Variants in OCLN observed in about 807,000 individuals in gnomAD.
OCLN encodes phosphatase 1, regulatory subunit 115.
In OCLN, 21 loss-of-function variants were observed where a neutral mutation model predicts 47.9. That is an observed-to-expected ratio of 0.44 (90% CI 0.31 to 0.63). The LOEUF is 0.63. Among genes scored for constraint, OCLN ranks in the 30% least tolerant of loss-of-function variants. OCLN has a pLI of 0.08. For synonymous variants in OCLN, 117 were observed against 198.4 expected (o/e 0.59, Z 3.45); for missense variants, 360 against 571.0 (o/e 0.63, Z 3.77).
chr5:69,513,596 C>T (rs1297214970), intron 3 of OCLN, among the ~76,000 whole-genome samples: 1 of 152,104 alleles, frequency 6.6e-6, no homozygotes, highest in Non-Finnish European at 1.5e-5. Flanking sequence ...ACTTTACTGG[C>T]CATTCTCGTA....
At chr5:69,495,200 C>T (rs1447853410) in intron 1 of OCLN, among the ~76,000 whole-genome samples, 1 of 152,176 alleles carries the variant, frequency 6.6e-6, no homozygotes, top group Non-Finnish European at 1.5e-5. Flanking sequence ...GGATCTTTTT[C>T]ATCAAATTAC....
chr5:69,508,223 A>G (rs1768661580), intron 2 of OCLN, among the ~76,000 whole-genome samples: 1 of 152,020 alleles, frequency 6.6e-6, no homozygotes. Flanking sequence ...TTGTATTTTT[A>G]GTAGAGATAG....
chr5:69,532,421 G>A (rs1488674110), intron 4 of OCLN, among the ~76,000 whole-genome samples: 1 of 152,156 alleles, frequency 6.6e-6, no homozygotes, highest in East Asian at 1.9e-4. Context: ...CTATCACAAA[G>A]CTAGAGCGGT....
chr5:69,506,215 C>A (rs1768596103), intron 2 of OCLN, among the ~76,000 whole-genome samples: 1 of 152,176 alleles, frequency 6.6e-6, no homozygotes, highest in African/African-American at 2.4e-5. Flanking sequence ...AAGGCTGAGG[C>A]AGGAGGATTG....
intron 6 of OCLN, among the ~76,000 whole-genome samples, chr5:69,547,036 CT>C (rs1184626855): frequency 6.7e-6 from 1 of 148,326 alleles, no homozygotes; most frequent in Admixed American, 6.7e-5. Context: ...CTTCTTTATA[CT>C]TTAATGAATT....
rs577673471 is a variant in OCLN at position 69,505,165 on chromosome 5, G to A, written c.50+871G>A. Among the ~76,000 whole-genome samples the A allele has an allele frequency of 2.3e-4, 35 of 151,142 alleles. No individual in the cohort carries two copies. The East Asian group carries it at 6.4e-3, about 28-fold the overall frequency. On this transcript the variant is annotated intron_variant, in intron 2 of 8. Transcript: ENST00000396442. ...TTTGGGAGGCTGAGACAGGAGAATCGCTTGAACCCAGGAGGCGGAGGTTGA... is the reference window on the plus strand; with the variant it reads ...TTTGGGAGGCTGAGACAGGAGAATCACTTGAACCCAGGAGGCGGAGGTTGA...
intron 7 of OCLN, among the ~76,000 whole-genome samples, chr5:69,548,636 C>A (rs1414224450): frequency 6.7e-6 from 1 of 149,178 alleles, no homozygotes; most frequent in Non-Finnish European, 1.5e-5. Flanking sequence ...AAGCACTATT[C>A]TATGTACATC....
chr5:69,553,681 G>A lies in OCLN; in HGVS notation c.*10G>A, dbSNP rs761607863. The A allele has an allele frequency of 2.5e-6, 4 of 1,609,956 alleles. No homozygotes were observed. Among genetic ancestry groups the A allele is most frequent in the Middle Eastern group, 1.6e-4 (1 of 6,074 alleles). The stretch of plus-strand genomic sequence containing the variant: ...TAGACAGAAAACATAGAAGGCTGAT[G>A]CCAAGTTGTTTGAGAAATTAAGTAT... On this transcript the variant is annotated 3_prime_UTR_variant, in exon 9 of 9. Coordinates refer to ENST00000396442, the MANE Select transcript of OCLN (RefSeq NM_001205254.2).
rs934188873 is a variant in OCLN at position 69,492,868 on chromosome 5, C to T, written c.-101C>T. ...GAGCGCGCTCCCTGGCACCGTTGGC[C>T]CCCGGAGGGTCGGGCCCAGTTGCGG... On this transcript the variant is annotated 5_prime_UTR_variant, in exon 1 of 9. Transcript: ENST00000396442. 1 of 152,252 alleles carries T rather than the reference C, an allele frequency of 6.6e-6. No individual in the cohort carries two copies. The highest frequency in any genetic ancestry group is 2.4e-5 in the African/African-American group (1 of 41,402). 9.4% of individuals were successfully genotyped at this position (152,252 alleles called of 1,614,324 possible). A position where few individuals can be genotyped will look rare whatever the true frequency, so the allele number is the denominator to read the frequency against.
chr5:69,516,217 G>A (rs1299061294), intron 4 of OCLN, among the ~76,000 whole-genome samples: 1 of 152,194 alleles, frequency 6.6e-6, no homozygotes, highest in Non-Finnish European at 1.5e-5. Context: ...ATTGAGCACT[G>A]AGTGAACCAG....
chr5:69,533,798 G>A (rs1310705331), intron 4 of OCLN, among the ~76,000 whole-genome samples: 2 of 152,096 alleles, frequency 1.3e-5, no homozygotes, highest in African/African-American at 4.8e-5. Context: ...GACTACAGGT[G>A]CATGCCACCA....
At chr5:69,523,528 T>C (rs1248401167) in intron 4 of OCLN, among the ~76,000 whole-genome samples, 3 of 138,766 alleles carry the variant, frequency 2.2e-5, no homozygotes, top group South Asian at 4.6e-4. Flanking sequence ...AATGATTACC[T>C]TTTTTTTTTT....
intron 1 of OCLN, among the ~76,000 whole-genome samples, chr5:69,500,126 G>A (rs577292004): frequency 5.9e-5 from 9 of 152,168 alleles, no homozygotes; most frequent in African/African-American, 2.2e-4. Context: ...CTGGATAAGC[G>A]TGTCTCCTCC....
chr5:69,549,355 A>G (rs1185657066), intron 7 of OCLN, among the ~76,000 whole-genome samples: 1 of 148,868 alleles, frequency 6.7e-6, no homozygotes, highest in East Asian at 1.9e-4. Flanking sequence ...AAAAAAAAAA[A>G]AAAAAAAAGA....
intron 4 of OCLN, among the ~76,000 whole-genome samples, chr5:69,532,999 ATGTGTG>A (rs373564373): frequency 3.6e-5 from 5 of 137,618 alleles, no homozygotes; most frequent in East Asian, 2.1e-4. Context: ...GTATGCATGT[ATGTGTG>A]TGTGTGTGTG....
chr5:69,529,965 A>G (rs1769385384), intron 4 of OCLN, among the ~76,000 whole-genome samples: 2 of 152,174 alleles, frequency 1.3e-5, no homozygotes, highest in Non-Finnish European at 2.9e-5. Context: ...TCTTAGAGAT[A>G]TCCTCAAGTT....
intron 4 of OCLN, among the ~76,000 whole-genome samples, chr5:69,518,199 A>G (rs1380713433): frequency 1.3e-5 from 2 of 152,254 alleles, no homozygotes; most frequent in Non-Finnish European, 2.9e-5. Flanking sequence ...TATTATTTTA[A>G]TAAAATTCCT....
chr5:69,494,673 C>A (rs1426841197), intron 1 of OCLN, among the ~76,000 whole-genome samples: 1 of 152,168 alleles, frequency 6.6e-6, no homozygotes, highest in African/African-American at 2.4e-5. Context: ...GATTCTCCAC[C>A]TTTTGGCAGT....
chr5:69,520,551 C>G (rs943495365), intron 4 of OCLN, among the ~76,000 whole-genome samples: 14 of 152,120 alleles, frequency 9.2e-5, no homozygotes, highest in African/African-American at 3.4e-4. Flanking sequence ...CTCTGCCTCC[C>G]AAAGTGCTGG....
Sources: allele counts gnomAD v4.1 joint callset (sites outside exome capture counted in the v4.1 genomes callset), GRCh38; gene constraint gnomAD v4.1.1; transcripts MANE v1.5; gene names NCBI Gene and HGNC (gene_info 2026-07-23, HGNC 2026-07-21).